The following SLC24A2 variants were observed in gnomAD, a reference collection of about 807,000 sequenced individuals.
SLC24A2 encodes sodium/potassium/calcium exchanger 2.
SLC24A2 carries 36 observed loss-of-function variants against 62.0 expected under a neutral mutation model. That is an observed-to-expected ratio of 0.58 (90% CI 0.44 to 0.77). The LOEUF is 0.77. Among genes scored for constraint, SLC24A2 ranks in the 30% least tolerant of loss-of-function variants. The probability of loss-of-function intolerance (pLI) is 0.00; values close to 1 mark genes in which losing one functional copy is unlikely to be tolerated. For missense variants in SLC24A2, 846 were observed against 817.9 expected, an observed-to-expected ratio of 1.03 and a Z score of -0.42; for synonymous variants, 358 against 294.0, an observed-to-expected ratio of 1.22 and a Z score of -2.23.
chr9:19,804,463 T>C, the SLC24A2 span, among the ~76,000 whole-genome samples: 9 of 152,150 alleles, frequency 5.9e-5, no homozygotes, highest in African/African-American at 1.9e-4. Context: ...TTTCCATTGC[T>C]AGTATATAGA....
the SLC24A2 span, among the ~76,000 whole-genome samples, chr9:20,128,211 T>A: frequency 6.6e-6 from 1 of 152,112 alleles, no homozygotes; most frequent in African/African-American, 2.4e-5. Context: ...CATACTATAG[T>A]CCACCTAATT....
intron 2 of SLC24A2, among the ~76,000 whole-genome samples, chr9:19,768,350 G>T (rs1172219811): frequency 6.6e-6 from 1 of 152,088 alleles, no homozygotes; most frequent in South Asian, 2.1e-4. Flanking sequence ...CTCTTACCAA[G>T]TCGCCAATGA....
chr9:19,780,422 T>A lies in SLC24A2; in HGVS notation c.930+5515A>T, dbSNP rs546350652. 5.3e-5 allele frequency among the ~76,000 whole-genome samples: 8 copies of A among 150,988 alleles called. No homozygotes were observed. In the East Asian group the frequency reaches 1.7e-3, roughly 31 times the overall value. On this transcript the variant is annotated intron_variant, in intron 2 of 10. Transcript: ENST00000341998. ...AGCTGGGATTACAGGCGCCTGCCAC[T>A]GCGCCCAGCTAATTTTTGTATCTTT...
the SLC24A2 span, among the ~76,000 whole-genome samples, chr9:20,143,415 G>GA: frequency 2.0e-5 from 3 of 152,194 alleles, no homozygotes; most frequent in Non-Finnish European, 4.4e-5. Flanking sequence ...TTGCCCTAGG[G>GA]AAAAAAATAG....
At chr9:19,647,337 G>C (rs1256797412) in intron 2 of SLC24A2, among the ~76,000 whole-genome samples, 1 of 152,138 alleles carries the variant, frequency 6.6e-6, no homozygotes, top group Non-Finnish European at 1.5e-5. Flanking sequence ...CTTAGAGATG[G>C]TCTGTATTAG....
At chr9:19,567,262 A>G (rs1052873451) in intron 7 of SLC24A2, among the ~76,000 whole-genome samples, 3 of 151,614 alleles carry the variant, frequency 2.0e-5, no homozygotes, top group African/African-American at 7.3e-5. Context: ...AGTAAGGAAT[A>G]TGGGCCGGGC....
chr9:20,001,309 C>T, the SLC24A2 span, among the ~76,000 whole-genome samples: 1 of 152,174 alleles, frequency 6.6e-6, no homozygotes, highest in Non-Finnish European at 1.5e-5. Flanking sequence ...CACAACGCAC[C>T]CTCTCACCCT....
the SLC24A2 span, among the ~76,000 whole-genome samples, chr9:19,940,145 G>T: frequency 0.78 from 118,670 of 152,154 alleles, 46,546 homozygotes; most frequent in Non-Finnish European, 0.83. Flanking sequence ...AAGTGGCACC[G>T]CTTGCATTGT....
chr9:20,064,242 C>G, the SLC24A2 span, among the ~76,000 whole-genome samples: 1 of 152,002 alleles, frequency 6.6e-6, no homozygotes, highest in East Asian at 1.9e-4. Flanking sequence ...CTGTATGATT[C>G]CATTTATAGG....
At chr9:19,791,242 A>C (rs887229805), upstream of SLC24A2, among the ~76,000 whole-genome samples, 2 of 152,204 alleles carry the variant, frequency 1.3e-5, no homozygotes, top group Non-Finnish European at 2.9e-5. Flanking sequence ...TCTGTGTTCC[A>C]GGCAGGAAGA....
At chr9:19,750,249 C>T (rs999396111) in intron 2 of SLC24A2, among the ~76,000 whole-genome samples, 1 of 152,092 alleles carries the variant, frequency 6.6e-6, no homozygotes, top group Non-Finnish European at 1.5e-5. Context: ...CAATCTCTTT[C>T]TGTCCTCCCC....
chr9:20,298,195 G>A, the SLC24A2 span, among the ~76,000 whole-genome samples: 1 of 152,188 alleles, frequency 6.6e-6, no homozygotes, highest in African/African-American at 2.4e-5. Context: ...TGTCCATTGT[G>A]AGTGTGAGGA....
intron 2 of SLC24A2, among the ~76,000 whole-genome samples, chr9:19,645,649 TG>T (rs1172874362): frequency 6.6e-6 from 1 of 152,182 alleles, no homozygotes; most frequent in African/African-American, 2.4e-5. Flanking sequence ...CAGAGCGGCA[TG>T]GGGGTGGGGA....
Position 19,599,413 on chromosome 9 carries a change from A to G in SLC24A2, c.1079-2134T>C, listed in dbSNP as rs111375360. ...AGGAAGAAGAGTAGTGAAAAGCTGA[A>G]TAACAGCAGGTGTTGTGGCAACTCA... On this transcript the variant is annotated intron_variant, in intron 4 of 10. Coordinates refer to ENST00000341998, the MANE Select transcript of SLC24A2 (RefSeq NM_020344.4). This position sits in a 1 kb window ranked among gnomAD's most constrained non-coding sequence, Gnocchi z 4.5. 4.1e-3 allele frequency among the ~76,000 whole-genome samples: 632 copies of G among 152,332 alleles called. 6 individuals carry two copies. Among genetic ancestry groups the G allele is most frequent in the African/African-American group, 0.015 (611 of 41,580 alleles).
At chr9:19,544,783 G>C (rs143391496) in intron 8 of SLC24A2, among the ~76,000 whole-genome samples, 1 of 152,190 alleles carries the variant, frequency 6.6e-6, no homozygotes, top group Admixed American at 6.5e-5. Context: ...TAAGGTTCCT[G>C]CAGAGAGATC....
intron 2 of SLC24A2, among the ~76,000 whole-genome samples, chr9:19,754,479 C>T (rs1822076339): frequency 1.3e-5 from 2 of 152,272 alleles, no homozygotes; most frequent in South Asian, 4.1e-4. Context: ...TTCTAGCATG[C>T]CTTCCTGATC....
the SLC24A2 span, among the ~76,000 whole-genome samples, chr9:19,824,606 G>A: frequency 6.6e-6 from 1 of 152,202 alleles, no homozygotes; most frequent in East Asian, 1.9e-4. Flanking sequence ...GTGGAAGACA[G>A]TGTGGCGATT....
chr9:19,696,296 T>C (rs1170187054), intron 2 of SLC24A2, among the ~76,000 whole-genome samples: 3 of 152,162 alleles, frequency 2.0e-5, no homozygotes, highest in Non-Finnish European at 4.4e-5. Context: ...GCCAAAAAGG[T>C]TGGGACCATT....
At chr9:19,951,303 A>T in the SLC24A2 span, among the ~76,000 whole-genome samples, 1 of 150,872 alleles carries the variant, frequency 6.6e-6, no homozygotes, top group Non-Finnish European at 1.5e-5. Flanking sequence ...CCTGTGACTT[A>T]GCTTCTCATT....
Sources: allele counts gnomAD v4.1 joint callset (sites outside exome capture counted in the v4.1 genomes callset), GRCh38; gene constraint gnomAD v4.1.1; non-coding constraint Gnocchi (gnomAD v3.1); transcripts MANE v1.5; gene names NCBI Gene and HGNC (gene_info 2026-07-23, HGNC 2026-07-21).